Variants in EXOC2 observed in about 807,000 individuals in gnomAD.
The protein encoded by EXOC2 is SEC5-like 1.
Under a neutral mutation model 131.8 loss-of-function variants are expected in EXOC2, and 70 were observed. The ratio of observed to expected loss-of-function variants is 0.53; its 90% CI spans 0.44 to 0.65. EXOC2 has a LOEUF of 0.65. Among genes scored for constraint, EXOC2 ranks in the 30% least tolerant of loss-of-function variants. EXOC2 has a pLI of 0.00. For synonymous variants in EXOC2, 411 were observed against 398.4 expected (o/e 1.03, Z -0.38); for missense variants, 923 against 1,108.6 (o/e 0.83, Z 2.38).
At chr6:641,702 CA>C (rs2127722489) in intron 1 of EXOC2, among the ~76,000 whole-genome samples, 1 of 152,266 alleles carries the variant, frequency 6.6e-6, no homozygotes, top group East Asian at 1.9e-4. Context: ...CCCCCTGAAT[CA>C]AATAATCAGT....
chr6:688,590 G>C (rs2127818337), intron 1 of EXOC2, among the ~76,000 whole-genome samples: 1 of 152,356 alleles, frequency 6.6e-6, no homozygotes, highest in South Asian at 2.1e-4. Context: ...AAGTGGACCA[G>C]TTCCAACACT....
intron 1 of EXOC2, among the ~76,000 whole-genome samples, chr6:664,134 C>T (rs1342939396): frequency 3.3e-5 from 5 of 152,144 alleles, no homozygotes; most frequent in Non-Finnish European, 5.9e-5. Flanking sequence ...TTCTCTATAG[C>T]GAAAGCAACC....
At chr6:622,921 G>C (rs947213352) in intron 4 of EXOC2, among the ~76,000 whole-genome samples, 1 of 152,204 alleles carries the variant, frequency 6.6e-6, no homozygotes, top group Non-Finnish European at 1.5e-5. Context: ...ACTGCTCTCA[G>C]TTATATCATA....
intron 4 of EXOC2, among the ~76,000 whole-genome samples, chr6:628,724 T>C (rs1761702708): frequency 6.6e-6 from 1 of 152,236 alleles, no homozygotes; most frequent in Non-Finnish European, 1.5e-5. Flanking sequence ...TTCCAGAGCC[T>C]TGAAGCACCC....
chr6:628,320 A>G (rs1761680870), intron 4 of EXOC2, among the ~76,000 whole-genome samples: 1 of 152,266 alleles, frequency 6.6e-6, no homozygotes, highest in Non-Finnish European at 1.5e-5. Context: ...AAGTACTTTC[A>G]GTGCCATTAT....
At chr6:648,457 T>C (rs1762679360) in intron 1 of EXOC2, among the ~76,000 whole-genome samples, 1 of 152,204 alleles carries the variant, frequency 6.6e-6, no homozygotes, top group South Asian at 2.1e-4. Context: ...CAGTTGTCAT[T>C]GTCTACAAAT....
chr6:549,445 T>C (rs1471617676), intron 21 of EXOC2, among the ~76,000 whole-genome samples, 154 bp from the exon 22 acceptor site: 1 of 152,172 alleles, frequency 6.6e-6, no homozygotes, highest in African/African-American at 2.4e-5. Context: ...TATTATAACA[T>C]AAAGAGAAAC....
At chr6:522,647 C>T (rs561091560) in intron 23 of EXOC2, among the ~76,000 whole-genome samples, 3 of 150,966 alleles carry the variant, frequency 2.0e-5, no homozygotes, top group African/African-American at 7.3e-5. Context: ...GTCTCCAGGT[C>T]TCAGGCAGGT....
At chr6:571,798 C>T (rs567234945) in intron 13 of EXOC2, among the ~76,000 whole-genome samples, 91 of 152,302 alleles carry the variant, frequency 6.0e-4, no homozygotes, top group African/African-American at 2.1e-3. Flanking sequence ...CAGTCTCCCA[C>T]GGGGGTGCCC....
At chr6:500,314 T>C (rs1449879782) in intron 23 of EXOC2, among the ~76,000 whole-genome samples, 1 of 152,202 alleles carries the variant, frequency 6.6e-6, no homozygotes, top group East Asian at 1.9e-4. Context: ...AGTTAAAGCC[T>C]GGACAAAATA....
chr6:664,903 A>C (rs1478309207), intron 1 of EXOC2, among the ~76,000 whole-genome samples: 1 of 152,220 alleles, frequency 6.6e-6, no homozygotes, highest in Non-Finnish European at 1.5e-5. Context: ...CCAAGAACCC[A>C]AAAGCAAAGA....
At chr6:549,632 T>C (rs953710503) in intron 21 of EXOC2, among the ~76,000 whole-genome samples, 13 of 152,260 alleles carry the variant, frequency 8.5e-5, no homozygotes, top group African/African-American at 2.9e-4. Flanking sequence ...TTCTACTATA[T>C]TGTTTACTTA....
At chr6:675,563 T>C (rs1253029606) in intron 1 of EXOC2, among the ~76,000 whole-genome samples, 1 of 55,438 alleles carries the variant, frequency 1.8e-5, no homozygotes, top group Non-Finnish European at 4.6e-5. Flanking sequence ...CCCCATACTC[T>C]TCAACATTAC....
chr6:658,956 C>G (rs1396660296), intron 1 of EXOC2, among the ~76,000 whole-genome samples: 3 of 152,046 alleles, frequency 2.0e-5, no homozygotes, highest in Non-Finnish European at 4.4e-5. Flanking sequence ...GCCACTGCGC[C>G]CAGCCAAGAT....
intron 16 of EXOC2, 116 bp from the exon 17 acceptor site, chr6:562,961 T>C: frequency 1.6e-6 from 1 of 614,104 alleles, no homozygotes; most frequent in Non-Finnish European, 2.5e-6. Flanking sequence ...TTGTAAAAAC[T>C]CGATGAAAGT....
intron 7 of EXOC2, among the ~76,000 whole-genome samples, chr6:606,262 C>T (rs1760404683): frequency 6.6e-6 from 1 of 152,028 alleles, no homozygotes; most frequent in South Asian, 2.1e-4. Context: ...CACTGAGGCC[C>T]GTCGTGGAGT....
intron 27 of EXOC2, 133 bp downstream of exon 27, chr6:488,846 T>A (rs1319760119): frequency 2.2e-6 from 2 of 902,110 alleles, no homozygotes; most frequent in African/African-American, 1.7e-5. Context: ...AGTAGGTATA[T>A]CTGCTTATTC....
chr6:691,513 T>A (rs904715711), intron 1 of EXOC2, among the ~76,000 whole-genome samples: 4 of 152,334 alleles, frequency 2.6e-5, no homozygotes, highest in South Asian at 4.1e-4. Flanking sequence ...GTAAATACAT[T>A]TGTTGTGATT....
At chr6:507,335 C>A (rs550134406) in intron 23 of EXOC2, among the ~76,000 whole-genome samples, 1,874 of 54,050 alleles carry the variant, frequency 0.035, 125 homozygotes, top group East Asian at 0.13. Flanking sequence ...GTGACCCCCC[C>A]CACACACACC....
Sources: allele counts gnomAD v4.1 joint callset (sites outside exome capture counted in the v4.1 genomes callset), GRCh38; gene constraint gnomAD v4.1.1; transcripts MANE v1.5; gene names NCBI Gene and HGNC (gene_info 2026-07-23, HGNC 2026-07-21).